Variants in PTPRD observed in about 807,000 individuals in gnomAD.
PTPRD encodes protein tyrosine phosphatase receptor type D.
Under a neutral mutation model 214.5 loss-of-function variants are expected in PTPRD, and 34 were observed. That is an observed-to-expected ratio of 0.16 (90% confidence interval 0.12 to 0.21). PTPRD has a LOEUF of 0.21. Ranked by LOEUF, PTPRD falls within the 10% of genes least tolerant of loss-of-function variation. PTPRD has a pLI of 1.00. For synonymous variants in PTPRD, 1,128 were observed against 845.7 expected, an observed-to-expected ratio of 1.33 and a Z score of -5.79; for missense variants, 2,545 against 2,398.7, an observed-to-expected ratio of 1.06 and a Z score of -1.27.
intron 4 of PTPRD, among the ~76,000 whole-genome samples, chr9:10,016,673 G>GA (rs2096722830): frequency 1.3e-5 from 2 of 148,234 alleles, no homozygotes; most frequent in African/African-American, 5.0e-5. Context: ...CCTGTGGGTT[G>GA]TTTTTTTTTT....
At chr9:9,707,419 T>C (rs1221751309) in intron 7 of PTPRD, among the ~76,000 whole-genome samples, 1 of 152,160 alleles carries the variant, frequency 6.6e-6, no homozygotes, top group Non-Finnish European at 1.5e-5. Context: ...CCCTCTCTAA[T>C]AGAACTTATA....
At chr9:8,836,587 CTTTTTTTT>C (rs34572407) in intron 11 of PTPRD, among the ~76,000 whole-genome samples, 3 of 66,800 alleles carry the variant, frequency 4.5e-5, no homozygotes, top group Non-Finnish European at 7.9e-5. Context: ...TAATAAAAAC[CTTTTTTTT>C]TTTTTTTTTT....
rs544898891 is a variant in PTPRD, at chr9:10,571,004, G to C, written c.-600+41394C>G. Among the ~76,000 whole-genome samples, 320 of 151,874 alleles carry C rather than the reference G, an allele frequency of 2.1e-3. 3 individuals are homozygous for C. The highest frequency in any genetic ancestry group is 7.3e-3 in the African/African-American group (303 of 41,426). On this transcript the variant is annotated intron_variant, in intron 2 of 45. Coordinates refer to ENST00000381196, the MANE Select transcript of PTPRD (RefSeq NM_002839.4). Reference sequence around the variant, plus strand: ...CAGTGTGCAGCAGAATATACCAGAAGGTCATGCTGCTGGTTTTTGTGGCAT... The same window carrying C: ...CAGTGTGCAGCAGAATATACCAGAACGTCATGCTGCTGGTTTTTGTGGCAT...
intron 5 of PTPRD, among the ~76,000 whole-genome samples, chr9:9,839,919 C>T (rs1175848172): frequency 6.6e-6 from 1 of 151,914 alleles, no homozygotes; most frequent in African/African-American, 2.4e-5. Context: ...TTTTTAAACA[C>T]ACACACACAC....
chr9:9,047,590 T>C (rs1016094814), intron 10 of PTPRD, among the ~76,000 whole-genome samples: 1 of 151,826 alleles, frequency 6.6e-6, no homozygotes, highest in Admixed American at 6.6e-5. Context: ...CAGAAACAAA[T>C]CTGAAAACCT....
At chr9:9,295,992 A>C (rs1355252120) in intron 9 of PTPRD, among the ~76,000 whole-genome samples, 5 of 151,784 alleles carry the variant, frequency 3.3e-5, no homozygotes, top group African/African-American at 1.2e-4. Flanking sequence ...CTAATATTAC[A>C]TGATACCTCA....
chr9:10,385,214 C>G (rs557791485), intron 2 of PTPRD, among the ~76,000 whole-genome samples: 4 of 151,830 alleles, frequency 2.6e-5, no homozygotes, highest in South Asian at 2.1e-4. Flanking sequence ...TTTTAAAGCT[C>G]TTTGTGCCTC....
At chr9:9,179,899 G>C (rs145517359) in intron 10 of PTPRD, among the ~76,000 whole-genome samples, 1 of 152,146 alleles carries the variant, frequency 6.6e-6, no homozygotes, top group African/African-American at 2.4e-5. Context: ...CAGGTTTTCT[G>C]TGAGGAGTAA....
chr9:9,493,644 C>A (rs563824531), intron 8 of PTPRD, among the ~76,000 whole-genome samples: 1 of 151,482 alleles, frequency 6.6e-6, no homozygotes, highest in African/African-American at 2.4e-5. Flanking sequence ...AAAAATTAGC[C>A]GGGTGTGGTG....
At chr9:8,665,456 A>G (rs1349124315) in intron 12 of PTPRD, among the ~76,000 whole-genome samples, 1 of 152,228 alleles carries the variant, frequency 6.6e-6, no homozygotes, top group Non-Finnish European at 1.5e-5. Context: ...TTTGTTTTCC[A>G]TGAGCTGATC....
intron 8 of PTPRD, among the ~76,000 whole-genome samples, chr9:9,400,694 G>T (rs1368700828): frequency 2.0e-5 from 3 of 151,922 alleles, no homozygotes; most frequent in Non-Finnish European, 4.4e-5. Flanking sequence ...GAGAGAAGAA[G>T]GAAGATACTG....
intron 7 of PTPRD, among the ~76,000 whole-genome samples, chr9:9,671,588 C>T (rs1053634477): frequency 2.6e-5 from 4 of 152,158 alleles, no homozygotes; most frequent in Non-Finnish European, 5.9e-5. Flanking sequence ...ATAATTTCCA[C>T]ATCTTGTGGG....
At chr9:10,229,214 G>C (rs1564657129) in intron 3 of PTPRD, among the ~76,000 whole-genome samples, 1 of 152,030 alleles carries the variant, frequency 6.6e-6, no homozygotes, top group South Asian at 2.1e-4. Context: ...AGGTGCTGGA[G>C]AGGATGTGGA....
At chr9:8,686,491 G>A (rs2097683987) in intron 12 of PTPRD, among the ~76,000 whole-genome samples, 1 of 152,122 alleles carries the variant, frequency 6.6e-6, no homozygotes, top group Non-Finnish European at 1.5e-5. Flanking sequence ...ATAGGTTAAT[G>A]AACACCTCCT....
At chr9:9,094,948 C>G (rs1455845193) in intron 10 of PTPRD, among the ~76,000 whole-genome samples, 2 of 152,124 alleles carry the variant, frequency 1.3e-5, no homozygotes, top group Non-Finnish European at 2.9e-5. Context: ...CAAATCAAAT[C>G]TAGCAAATAG....
chr9:10,541,844 C>A (rs2059189295), intron 2 of PTPRD, among the ~76,000 whole-genome samples: 1 of 151,876 alleles, frequency 6.6e-6, no homozygotes, highest in Non-Finnish European at 1.5e-5. Context: ...TATTTAATAA[C>A]AAATGAGATT....
At chr9:10,404,007 T>C (rs2098320316) in intron 2 of PTPRD, among the ~76,000 whole-genome samples, 1 of 151,662 alleles carries the variant, frequency 6.6e-6, no homozygotes, top group African/African-American at 2.4e-5. Context: ...CTTTGGGTGA[T>C]AGTGATGTAT....
chr9:9,770,814 T>C (rs1322456482), intron 5 of PTPRD, among the ~76,000 whole-genome samples: 1 of 152,096 alleles, frequency 6.6e-6, no homozygotes, highest in Non-Finnish European at 1.5e-5. Flanking sequence ...GCCAAAGAAG[T>C]ATATTGATGA....
chr9:10,334,469 G>C (rs138177653), intron 3 of PTPRD, among the ~76,000 whole-genome samples: 21 of 144,426 alleles, frequency 1.5e-4, no homozygotes, highest in African/African-American at 5.4e-4. Context: ...ACATCACATT[G>C]GTGAGAAGCT....
Sources: allele counts gnomAD v4.1 joint callset (sites outside exome capture counted in the v4.1 genomes callset), GRCh38; gene constraint gnomAD v4.1.1; transcripts MANE v1.5; gene names NCBI Gene and HGNC (gene_info 2026-07-23, HGNC 2026-07-21).